Variants in ABR observed in about 807,000 individuals in gnomAD.
ABR encodes the protein active breakpoint cluster region-related protein.
Under a neutral mutation model 107.2 loss-of-function variants are expected in ABR, and 35 were observed. That is an observed-to-expected ratio of 0.33 (90% CI 0.25 to 0.43). The LOEUF (loss-of-function observed/expected upper bound fraction) is 0.43. Ranked by LOEUF, ABR falls within the 20% of genes least tolerant of loss-of-function variation. ABR has a pLI of 1.00. For synonymous variants in ABR, 498 were observed against 462.0 expected, an observed-to-expected ratio of 1.08 and a Z score of -1.00; for missense variants, 815 against 1,115.2, an observed-to-expected ratio of 0.73 and a Z score of 3.83.
upstream of ABR, among the ~76,000 whole-genome samples, chr17:1,191,354 C>CTTTTTTTTT (rs761910557): frequency 1.8e-4 from 17 of 96,488 alleles, no homozygotes; most frequent in Non-Finnish European, 2.7e-4. Context: ...TTTTTCTTTT[C>CTTTTTTTTT]TTTTTTTTTT....
chr17:1,180,071 G>T (rs2042079429), upstream of ABR, among the ~76,000 whole-genome samples: 1 of 145,974 alleles, frequency 6.9e-6, no homozygotes, highest in Admixed American at 6.7e-5. Flanking sequence ...GGCGGGGCGG[G>T]GAGGGACCAA....
In ABR at chr17:1,010,649, C is replaced by A. The variant is rs936731376; in HGVS notation, c.2236+80G>T. 1.7e-5 allele frequency: 27 copies of A among 1,559,800 alleles called. No homozygotes were observed. In the East Asian group the frequency reaches 2.3e-4, roughly 13 times the overall value. On this transcript the variant is annotated intron_variant, in intron 20 of 22. Coordinates refer to ENST00000302538, the MANE Select transcript of ABR (RefSeq NM_021962.5). The surrounding 1 kb of genome is among the most constrained non-coding windows in gnomAD (Gnocchi z 4.1). The stretch of plus-strand genomic sequence containing the variant: ...CCAGCAAAGGAAGCCACAGATATTT[C>A]TCCTGCTGGTTACTTCTCCGGGCAG...
At chr17:1,065,742 C>CTTTTTTTTTTTTTTTTTTTTTTTTTT in intron 10 of ABR, among the ~76,000 whole-genome samples, 1 of 116,346 alleles carries the variant, frequency 8.6e-6, no homozygotes, top group Non-Finnish European at 1.7e-5. Context: ...CAAACCAATG[C>CTTTTTTTTTTTTTTTTTTTTTTTTTT]TTTTTTTTTT....
chr17:1,207,162 G>A (rs1269896074), intron 1 of ABR, among the ~76,000 whole-genome samples: 2 of 152,000 alleles, frequency 1.3e-5, no homozygotes, highest in African/African-American at 4.8e-5. Flanking sequence ...TAAGGTGGAA[G>A]GATTGCTTGA....
At chr17:1,101,879 T>G (rs181052437) in intron 2 of ABR, among the ~76,000 whole-genome samples, 1,549 of 151,810 alleles carry the variant, frequency 0.01, 22 homozygotes, top group African/African-American at 0.033. Context: ...GACTACAGGC[T>G]CCCGCCACCA....
chr17:1,147,430 G>A (rs181261695), intron 1 of ABR, among the ~76,000 whole-genome samples: 2 of 151,248 alleles, frequency 1.3e-5, no homozygotes, highest in Admixed American at 6.6e-5. Flanking sequence ...GCACAATCTT[G>A]GCTCACTGCA....
intron 3 of ABR, among the ~76,000 whole-genome samples, chr17:1,097,981 G>C (rs972097525): frequency 6.6e-6 from 1 of 152,184 alleles, no homozygotes; most frequent in Non-Finnish European, 1.5e-5. Context: ...CATGGAAAGA[G>C]AGAGAAAGAA....
chr17:1,015,293 G>A (rs1343262491), intron 16 of ABR, among the ~76,000 whole-genome samples: 1 of 151,420 alleles, frequency 6.6e-6, no homozygotes, highest in East Asian at 2.0e-4. Context: ...GGCGGGCACT[G>A]TAGTCCAAGC....
upstream of ABR, among the ~76,000 whole-genome samples, chr17:1,184,625 A>AT (rs1339550338): frequency 2.0e-5 from 3 of 151,270 alleles, no homozygotes; most frequent in African/African-American, 7.3e-5. Flanking sequence ...AATAATGCAC[A>AT]TTGAACAAAT....
At chr17:1,038,501 G>A (rs867551081) in intron 16 of ABR, among the ~76,000 whole-genome samples, 4 of 152,196 alleles carry the variant, frequency 2.6e-5, no homozygotes, top group African/African-American at 7.2e-5. Flanking sequence ...GTCATCTTGC[G>A]TCTCCAGCCG....
At chr17:1,007,861 G>A (rs1404794788) in intron 21 of ABR, among the ~76,000 whole-genome samples, 6 of 152,354 alleles carry the variant, frequency 3.9e-5, no homozygotes, top group African/African-American at 1.4e-4. Context: ...TAAGGTGGGT[G>A]GGGCAGGGGA....
chr17:1,225,661 GAAAA>G (rs2043199884), intron 1 of ABR, among the ~76,000 whole-genome samples: 1 of 151,978 alleles, frequency 6.6e-6, no homozygotes, highest in Non-Finnish European at 1.5e-5. Context: ...CGACAAAAAA[GAAAA>G]AGAAAGAAGA....
chr17:1,080,051 G>A (rs1037955189), intron 5 of ABR, among the ~76,000 whole-genome samples: 4 of 152,082 alleles, frequency 2.6e-5, no homozygotes, highest in Admixed American at 6.5e-5. Context: ...CAGGGTTTGA[G>A]TTGACCAGCG....
intron 1 of ABR, among the ~76,000 whole-genome samples, chr17:1,225,084 G>A (rs1222936885): frequency 2.0e-5 from 3 of 150,578 alleles, no homozygotes; most frequent in Admixed American, 6.6e-5. Flanking sequence ...AGGAGGCAGA[G>A]CTTGCAGGGA....
intron 16 of ABR, among the ~76,000 whole-genome samples, chr17:1,015,067 G>T (rs539375763): frequency 3.3e-5 from 5 of 152,092 alleles, no homozygotes; most frequent in Non-Finnish European, 5.9e-5. Flanking sequence ...AGACCACAAG[G>T]CTCCAAATAT....
intron 1 of ABR, among the ~76,000 whole-genome samples, chr17:1,195,889 A>T (rs559813610): frequency 6.8e-6 from 1 of 148,010 alleles, no homozygotes; most frequent in African/African-American, 2.5e-5. Context: ...GTGGGGAGAG[A>T]TCACTTGAGG....
intron 1 of ABR, among the ~76,000 whole-genome samples, chr17:1,211,943 G>A (rs1461096585): frequency 6.6e-6 from 1 of 151,868 alleles, no homozygotes; most frequent in East Asian, 1.9e-4. Flanking sequence ...TTAGCCTGGT[G>A]TGGTGGCACA....
intron 16 of ABR, among the ~76,000 whole-genome samples, chr17:1,048,217 C>T (rs551560291): frequency 1.4e-4 from 21 of 152,348 alleles, no homozygotes; most frequent in Middle Eastern, 6.8e-3. Flanking sequence ...GCCCTGTCTC[C>T]CTAGTGACGA....
upstream of ABR, among the ~76,000 whole-genome samples, chr17:1,181,363 C>G (rs1485708468): frequency 6.6e-6 from 1 of 152,186 alleles, no homozygotes; most frequent in Non-Finnish European, 1.5e-5. Context: ...GGGAGACGCA[C>G]AGGATGATGC....
Sources: gnomAD v4.1 joint callset for allele counts (sites outside exome capture counted in the v4.1 genomes callset) on GRCh38, gnomAD v4.1.1 for gene constraint, Gnocchi (gnomAD v3.1) non-coding constraint, MANE v1.5 for transcripts, NCBI Gene and HGNC (gene_info 2026-07-23, HGNC 2026-07-21) for gene names.